The following CPLX2 variants were observed in gnomAD, a reference collection of about 807,000 sequenced individuals.
CPLX2 encodes the protein complexin-2.
In CPLX2, 5 loss-of-function variants were observed where a neutral mutation model predicts 16.3. That is an observed-to-expected ratio of 0.31 (90% CI 0.16 to 0.64). The LOEUF is 0.64. CPLX2 is among the 30% of genes least tolerant of loss of function. The probability of loss-of-function intolerance (pLI) is 0.79; values close to 1 mark genes in which losing one functional copy is unlikely to be tolerated. For missense variants in CPLX2, 144 were observed against 181.4 expected, an observed-to-expected ratio of 0.79 and a Z score of 1.18; for synonymous variants, 89 against 73.2, an observed-to-expected ratio of 1.22 and a Z score of -1.10.
chr5:175,844,379 T>C (rs1287685706), intron 2 of CPLX2, among the ~76,000 whole-genome samples: 2 of 152,240 alleles, frequency 1.3e-5, no homozygotes, highest in Non-Finnish European at 2.9e-5. Flanking sequence ...AAACCTTTAC[T>C]GAGCTGCTAC....
At position 175,880,826 on chromosome 5, in the gene CPLX2, C is replaced by A. The variant is rs1232539503; in HGVS notation, c.*781C>A. On this transcript the variant is annotated 3_prime_UTR_variant, in exon 4 of 4. Transcript: ENST00000393745. ...CTTGCTCAGTCAAGGGGCTGCCAGG[C>A]CCCCAGAAAACACTTGGAGCCATCG... The A allele has an allele frequency of 1.3e-5, 2 of 153,004 alleles. No individual in the cohort carries two copies. Among genetic ancestry groups the A allele is most frequent in the African/African-American group, 4.8e-5 (2 of 41,568 alleles). 9.5% of individuals were successfully genotyped at this position (153,004 alleles called of 1,614,324 possible). A position where few individuals can be genotyped will look rare whatever the true frequency, so the allele number is the denominator to read the frequency against.
intron 2 of CPLX2, among the ~76,000 whole-genome samples, chr5:175,835,964 C>T (rs972654184): frequency 1.3e-5 from 2 of 151,912 alleles, no homozygotes; most frequent in African/African-American, 4.8e-5. Context: ...GTCTCAAACT[C>T]CTGACCTCAA....
At chr5:175,870,599 C>T (rs958311539), upstream of CPLX2, among the ~76,000 whole-genome samples, 4 of 137,730 alleles carry the variant, frequency 2.9e-5, no homozygotes, top group African/African-American at 1.1e-4. Flanking sequence ...TAAAAAGGCT[C>T]ATTAGGTGAG....
At chr5:175,874,576 G>A (rs1171401425) in intron 1 of CPLX2, among the ~76,000 whole-genome samples, 2 of 152,184 alleles carry the variant, frequency 1.3e-5, no homozygotes, top group Admixed American at 1.3e-4. Flanking sequence ...GTTTTCAGTT[G>A]AGGTGATTGG....
At chr5:175,846,804 A>T (rs2113674346) in intron 2 of CPLX2, among the ~76,000 whole-genome samples, 1 of 152,256 alleles carries the variant, frequency 6.6e-6, no homozygotes, top group Middle Eastern at 3.4e-3. Flanking sequence ...TTTTGCACTG[A>T]ATCCCTCCCG....
At chr5:175,856,686 C>T (rs1759263509) in intron 2 of CPLX2, among the ~76,000 whole-genome samples, 1 of 152,104 alleles carries the variant, frequency 6.6e-6, no homozygotes, top group African/African-American at 2.4e-5. Flanking sequence ...TCAGTTTCCT[C>T]ATCTACAGAC....
intron 2 of CPLX2, among the ~76,000 whole-genome samples, chr5:175,824,847 G>A (rs1449283920): frequency 1.3e-5 from 2 of 152,324 alleles, no homozygotes; most frequent in African/African-American, 2.4e-5. Flanking sequence ...CAGCAGGTGT[G>A]TCCAACCGAC....
At chr5:175,829,684 T>C (rs907990466) in intron 2 of CPLX2, among the ~76,000 whole-genome samples, 1 of 152,198 alleles carries the variant, frequency 6.6e-6, no homozygotes, top group Non-Finnish European at 1.5e-5. Context: ...CTACCCCTTG[T>C]CTGCCCTGAT....
At chr5:175,840,388 G>T (rs1354362704) in intron 2 of CPLX2, among the ~76,000 whole-genome samples, 1 of 152,100 alleles carries the variant, frequency 6.6e-6, no homozygotes, top group Non-Finnish European at 1.5e-5. Flanking sequence ...CTTTTCTTCA[G>T]GTATTTAACA....
chr5:175,873,065 C>A (rs1465052254), intron 1 of CPLX2: 1 of 137,284 alleles, frequency 7.3e-6, no homozygotes, highest in Non-Finnish European at 1.6e-5. Context: ...CCGCCCCCGG[C>A]CTCCCCTCCC....
At chr5:175,832,287 T>C (rs1396845524) in intron 2 of CPLX2, among the ~76,000 whole-genome samples, 3 of 152,158 alleles carry the variant, frequency 2.0e-5, no homozygotes, top group Non-Finnish European at 2.9e-5. Flanking sequence ...TGAAAGCTCA[T>C]TGAGCACCAT....
chr5:175,867,609 C>G (rs1759501540), upstream of CPLX2, among the ~76,000 whole-genome samples: 1 of 152,122 alleles, frequency 6.6e-6, no homozygotes, highest in South Asian at 2.1e-4. Flanking sequence ...TCTAATAACA[C>G]CCCACGTAGG....
chr5:175,878,613 A>C (rs534855615), intron 1 of CPLX2, 39 bp from the exon 2 acceptor site: 26 of 1,025,288 alleles, frequency 2.5e-5, no homozygotes, highest in Admixed American at 1.0e-4. Flanking sequence ...CTGCCTGTGC[A>C]GAGGCCTCTC....
chr5:175,850,443 C>T (rs1294225502), intron 2 of CPLX2, among the ~76,000 whole-genome samples: 1 of 152,182 alleles, frequency 6.6e-6, no homozygotes, highest in Admixed American at 6.5e-5. Context: ...CAGACTAGAG[C>T]CGCACTGGGA....
chr5:175,810,543 T>C (rs1009796873), intron 2 of CPLX2, among the ~76,000 whole-genome samples: 2 of 152,208 alleles, frequency 1.3e-5, no homozygotes, highest in African/African-American at 4.8e-5. Context: ...GTGCAAGACC[T>C]GCACACACTG....
chr5:175,878,807 T>C, intron 2 of CPLX2, 37 bp downstream of exon 2: 4 of 1,611,760 alleles, frequency 2.5e-6, no homozygotes, highest in Non-Finnish European at 3.4e-6. Context: ...CCTCAGCCGG[T>C]CCCACCCTTG....
intron 1 of CPLX2, among the ~76,000 whole-genome samples, chr5:175,797,707 T>C (rs1758016706): frequency 6.6e-6 from 1 of 151,700 alleles, no homozygotes; most frequent in Non-Finnish European, 1.5e-5. Context: ...TCTCCCTCAC[T>C]CCCCGGGTTC....
upstream of CPLX2, among the ~76,000 whole-genome samples, chr5:175,869,420 T>C (rs141285135): frequency 1.5e-3 from 231 of 152,348 alleles, 3 homozygotes; most frequent in South Asian, 0.02. Flanking sequence ...CAGTCTATCC[T>C]ATGGCTGGAC....
At chr5:175,852,660 A>C (rs920481130) in intron 2 of CPLX2, among the ~76,000 whole-genome samples, 2 of 152,208 alleles carry the variant, frequency 1.3e-5, no homozygotes, top group African/African-American at 2.4e-5. Context: ...ATTTGGCTAC[A>C]AGTAACGCAG....
Sources: gnomAD v4.1 joint callset for allele counts (sites outside exome capture counted in the v4.1 genomes callset) on GRCh38, gnomAD v4.1.1 for gene constraint, MANE v1.5 for transcripts, NCBI Gene and HGNC (gene_info 2026-07-23, HGNC 2026-07-21) for gene names.